RAPGEF4: variants seen among roughly 807,000 people sequenced by gnomAD.
The protein encoded by RAPGEF4 is RAP guanine-nucleotide-exchange factor (GEF) 4.
RAPGEF4 carries 66 observed loss-of-function variants against 147.9 expected under a neutral mutation model. The observed-to-expected ratio is 0.45, with a 90% confidence interval of 0.37 to 0.55. RAPGEF4 has a LOEUF of 0.55. Ranked by LOEUF, RAPGEF4 falls within the 20% of genes least tolerant of loss-of-function variation. The pLI is 0.00. For missense variants in RAPGEF4, 1,071 were observed against 1,257.3 expected (o/e 0.85, Z 2.24); for synonymous variants, 419 against 442.7 (o/e 0.95, Z 0.67).
At chr2:172,750,338 A>C (rs190666340) in intron 1 of RAPGEF4, among the ~76,000 whole-genome samples, 1 of 152,210 alleles carries the variant, frequency 6.6e-6, no homozygotes, top group East Asian at 1.9e-4. Context: ...CCTCACAATC[A>C]TGGCAGAAGG....
intron 1 of RAPGEF4, among the ~76,000 whole-genome samples, chr2:172,738,513 A>G (rs1285064123): frequency 6.6e-6 from 1 of 152,148 alleles, no homozygotes; most frequent in African/African-American, 2.4e-5. Context: ...GCTGAGAACA[A>G]TTTTACCAGG....
intron 11 of RAPGEF4, 77 bp downstream of exon 11, chr2:172,983,657 G>A: frequency 6.5e-7 from 1 of 1,549,292 alleles, no homozygotes; most frequent in Admixed American, 2.1e-5. Flanking sequence ...GAGTATTACG[G>A]TGTTGTGGGG....
intron 4 of RAPGEF4, among the ~76,000 whole-genome samples, chr2:172,830,145 G>A (rs1408707161): frequency 6.6e-6 from 1 of 152,052 alleles, no homozygotes; most frequent in African/African-American, 2.4e-5. Flanking sequence ...TTCTTTATGT[G>A]GGAGAACATT....
At chr2:173,006,041 C>G (rs1003529743) in intron 17 of RAPGEF4, among the ~76,000 whole-genome samples, 3 of 152,190 alleles carry the variant, frequency 2.0e-5, no homozygotes, top group Non-Finnish European at 4.4e-5. Flanking sequence ...ACGCCAGACT[C>G]TAGCTAGACT....
At chr2:173,028,169 T>C (rs1277590187) in intron 25 of RAPGEF4, among the ~76,000 whole-genome samples, 1 of 152,240 alleles carries the variant, frequency 6.6e-6, no homozygotes, top group Non-Finnish European at 1.5e-5. Flanking sequence ...GAGGGTTCAA[T>C]AGAATACCAA....
rs893491816 is a variant in RAPGEF4, at chr2:172,768,947, A to G, written c.66-26078A>G. 2.0e-5 allele frequency among the ~76,000 whole-genome samples: 3 copies of G among 152,234 alleles called. No homozygotes were observed. In the South Asian group the frequency reaches 6.2e-4, roughly 31 times the overall value. ...GTACTCTCACAGAGAACTGAATACC[A>G]TCATGAGACGACGAGCATGCCACCC... is the stretch of plus-strand genomic sequence containing the variant. On this transcript the variant is annotated intron_variant, in intron 1 of 30. Coordinates refer to ENST00000397081, the MANE Select transcript of RAPGEF4 (RefSeq NM_007023.4).
Position 172,917,570 on chromosome 2 carries a change from C to T in RAPGEF4, c.445-232C>T, listed in dbSNP as rs775238826. ...AGCCACAGATATATAAATGAACTGG[C>T]GGAGATAGAACCCCTGCCCCCGGGC... On this transcript the variant is annotated intron_variant, in intron 4 of 30. Transcript: ENST00000397081. 156 of 676,980 alleles carry T rather than the reference C, an allele frequency of 2.3e-4. 1 individual carries two copies. Among genetic ancestry groups the T allele is most frequent in the African/African-American group, 8.3e-4 (47 of 56,736 alleles). The allele number at this position is 676,980 out of a possible 1,614,324, so 41.9% of individuals were successfully genotyped here.
Position 172,908,455 on chromosome 2 carries a change from T to A in RAPGEF4, c.445-9347T>A, listed in dbSNP as rs571129303. Among the ~76,000 whole-genome samples the A allele has an allele frequency of 2.0e-5, 3 of 152,308 alleles. No homozygotes were observed. The East Asian group carries it at 5.8e-4, about 29-fold the overall frequency. ...TTGTTGACAAACCTTTCCGTTAAGG[T>A]GAAAACTGTCACTTGGCCAAACCAC... On this transcript the variant is annotated intron_variant, in intron 4 of 30. Transcript: ENST00000397081.
At chr2:172,975,877 A>T (rs966251946) in intron 10 of RAPGEF4, among the ~76,000 whole-genome samples, 7 of 152,236 alleles carry the variant, frequency 4.6e-5, no homozygotes, top group African/African-American at 1.7e-4. Context: ...CTTTTAAAAG[A>T]TTTAATGTTA....
At chr2:172,798,435 AG>A (rs1285934201) in intron 3 of RAPGEF4, among the ~76,000 whole-genome samples, 2 of 152,184 alleles carry the variant, frequency 1.3e-5, no homozygotes, top group African/African-American at 4.8e-5. Flanking sequence ...GAGTCTGAAA[AG>A]TATGACCCAT....
chr2:173,021,257 TG>T (rs1483584516), intron 23 of RAPGEF4, among the ~76,000 whole-genome samples: 1 of 152,230 alleles, frequency 6.6e-6, no homozygotes, highest in Non-Finnish European at 1.5e-5. Context: ...CACTAATAAC[TG>T]AGTAGCCTGC....
intron 4 of RAPGEF4, among the ~76,000 whole-genome samples, chr2:172,875,640 G>T (rs1372755230): frequency 1.3e-5 from 2 of 152,122 alleles, no homozygotes; most frequent in Admixed American, 6.5e-5. Flanking sequence ...ATGCTGTTTT[G>T]GTTACTGTAG....
chr2:172,936,356 A>C (rs1030705754), intron 6 of RAPGEF4, among the ~76,000 whole-genome samples: 1 of 151,904 alleles, frequency 6.6e-6, no homozygotes, highest in Admixed American at 6.6e-5. Context: ...AATAAGTGAG[A>C]CTCTATCCCC....
intron 3 of RAPGEF4, among the ~76,000 whole-genome samples, chr2:172,801,894 C>T (rs1209405900): frequency 6.6e-6 from 1 of 152,198 alleles, no homozygotes; most frequent in Non-Finnish European, 1.5e-5. Flanking sequence ...AGCCCACTGC[C>T]CAGGTGCTGT....
intron 29 of RAPGEF4, among the ~76,000 whole-genome samples, chr2:173,043,621 C>T (rs1366076235): frequency 1.3e-5 from 2 of 152,190 alleles, no homozygotes; most frequent in Non-Finnish European, 2.9e-5. Context: ...GTGGGGGCAG[C>T]CACAAAGTCC....
intron 1 of RAPGEF4, among the ~76,000 whole-genome samples, chr2:172,746,775 G>T (rs1694814227): frequency 6.6e-6 from 1 of 151,952 alleles, no homozygotes; most frequent in East Asian, 1.9e-4. Flanking sequence ...ACCATGCCTG[G>T]CTAATTTTTG....
chr2:172,928,375 G>A (rs1361388723), intron 6 of RAPGEF4: 3 of 345,738 alleles, frequency 8.7e-6, no homozygotes, highest in South Asian at 2.3e-5. Context: ...TAGGAATGAC[G>A]TGTAGTTGTC....
chr2:173,044,274 C>CGT (rs1685150493), intron 29 of RAPGEF4, among the ~76,000 whole-genome samples: 1 of 94,846 alleles, frequency 1.1e-5, no homozygotes, highest in Non-Finnish European at 2.0e-5. Context: ...CGCCGGGGGG[C>CGT]GGGAGGGGGG....
At chr2:172,857,873 C>A (rs1231966253) in intron 4 of RAPGEF4, among the ~76,000 whole-genome samples, 2 of 94,540 alleles carry the variant, frequency 2.1e-5, no homozygotes, top group Non-Finnish European at 3.8e-5. Context: ...CAGAGCAAGA[C>A]CCTGTCTCAA....
Sources: allele counts gnomAD v4.1 joint callset (sites outside exome capture counted in the v4.1 genomes callset), GRCh38; gene constraint gnomAD v4.1.1; transcripts MANE v1.5; gene names NCBI Gene and HGNC (gene_info 2026-07-23, HGNC 2026-07-21).